ZNF521: variants seen among roughly 807,000 people sequenced by gnomAD.
ZNF521 encodes LYST-interacting protein 3.
A neutral mutation model predicts 105.5 loss-of-function variants in ZNF521; 14 were observed. The ratio of observed to expected loss-of-function variants is 0.13; its 90% confidence interval spans 0.09 to 0.21. The LOEUF is 0.21. ZNF521 is among the 10% of genes least tolerant of loss of function. The pLI, the probability that ZNF521 is intolerant of heterozygous loss-of-function variation, is 1.00. For synonymous variants in ZNF521, 635 were observed against 606.0 expected, an observed-to-expected ratio of 1.05 and a Z score of -0.70; for missense variants, 1,233 against 1,629.7, an observed-to-expected ratio of 0.76 and a Z score of 4.19.
At chr18:25,097,734 C>T (rs1271378780) in intron 5 of ZNF521, among the ~76,000 whole-genome samples, 4 of 152,276 alleles carry the variant, frequency 2.6e-5, no homozygotes, top group East Asian at 3.9e-4. Context: ...GGATACACAT[C>T]CTGTGTGCCT....
At chr18:25,297,070 TACACACACATACAC>T (rs1318489169) in intron 3 of ZNF521, among the ~76,000 whole-genome samples, 2 of 151,062 alleles carry the variant, frequency 1.3e-5, no homozygotes, top group Admixed American at 1.3e-4. Flanking sequence ...ATTTTTCCCA[TACACACACATACAC>T]ACACACACAT....
intron 5 of ZNF521, among the ~76,000 whole-genome samples, chr18:25,161,346 A>T (rs1485773653): frequency 6.6e-6 from 1 of 152,148 alleles, no homozygotes; most frequent in Non-Finnish European, 1.5e-5. Context: ...AAGTACATAT[A>T]GAAAATCTCA....
At chr18:25,068,386 C>T (rs117582619) in intron 7 of ZNF521, among the ~76,000 whole-genome samples, 1,959 of 152,266 alleles carry the variant, frequency 0.013, 16 homozygotes, top group South Asian at 0.021. Context: ...TGAGGATAAT[C>T]GGTATGCTCT....
At chr18:25,184,096 A>C (rs886879197) in intron 5 of ZNF521, among the ~76,000 whole-genome samples, 1 of 152,126 alleles carries the variant, frequency 6.6e-6, no homozygotes, top group Non-Finnish European at 1.5e-5. Flanking sequence ...AAAAAACATA[A>C]TTATATAAGG....
intron 5 of ZNF521, among the ~76,000 whole-genome samples, chr18:25,119,637 GA>G (rs1243851723): frequency 1.3e-5 from 2 of 151,936 alleles, no homozygotes; most frequent in Non-Finnish European, 2.9e-5. Context: ...GAAAGATACT[GA>G]AAATTTAATA....
At chr18:25,167,379 T>C (rs1023430195) in intron 5 of ZNF521, among the ~76,000 whole-genome samples, 3 of 152,198 alleles carry the variant, frequency 2.0e-5, no homozygotes, top group South Asian at 2.1e-4. Flanking sequence ...TCAGTATTAA[T>C]ACTAATTCTA....
intron 5 of ZNF521, among the ~76,000 whole-genome samples, chr18:25,179,070 C>G (rs1023582149): frequency 6.2e-5 from 7 of 112,930 alleles, no homozygotes; most frequent in African/African-American, 2.5e-4. Context: ...AACCCCAAAC[C>G]CTTTGAAATG....
intron 3 of ZNF521, among the ~76,000 whole-genome samples, chr18:25,244,286 A>G (rs1416785342): frequency 6.2e-5 from 5 of 81,214 alleles, no homozygotes; most frequent in African/African-American, 2.1e-4. Context: ...GCATGTGCAC[A>G]CACACACACA....
chr18:25,067,352 ATTAAAC>A (rs1346829253), intron 7 of ZNF521, among the ~76,000 whole-genome samples: 1 of 152,214 alleles, frequency 6.6e-6, no homozygotes, highest in Non-Finnish European at 1.5e-5. Flanking sequence ...TAAATGTGAA[ATTAAAC>A]TTAGAAAGCT....
chr18:25,244,387 C>T (rs1392227267), intron 3 of ZNF521, among the ~76,000 whole-genome samples: 1 of 152,106 alleles, frequency 6.6e-6, no homozygotes, highest in African/African-American at 2.4e-5. Flanking sequence ...AGCTACTTCC[C>T]CCACAGCAGT....
chr18:25,252,746 C>T (rs1437475110), intron 3 of ZNF521, among the ~76,000 whole-genome samples: 1 of 152,052 alleles, frequency 6.6e-6, no homozygotes, highest in East Asian at 1.9e-4. Flanking sequence ...ATAAAGTTCT[C>T]CCCTCTCTGG....
intron 5 of ZNF521, among the ~76,000 whole-genome samples, chr18:25,103,689 T>G (rs944638130): frequency 6.6e-6 from 1 of 151,962 alleles, no homozygotes; most frequent in African/African-American, 2.4e-5. Context: ...TTCCTTCTGC[T>G]GTTTTCTGTC....
intron 3 of ZNF521, among the ~76,000 whole-genome samples, chr18:25,311,459 G>C (rs2145109625): frequency 6.6e-6 from 1 of 151,476 alleles, no homozygotes; most frequent in South Asian, 2.1e-4. Flanking sequence ...GTTAAAGGTA[G>C]CAGAGCCCTT....
chr18:25,291,125 T>C (rs538978202), intron 3 of ZNF521, among the ~76,000 whole-genome samples: 10 of 152,276 alleles, frequency 6.6e-5, no homozygotes, highest in South Asian at 2.1e-4. Context: ...CAAGATATAA[T>C]TGAATGATAA....
intron 5 of ZNF521, among the ~76,000 whole-genome samples, chr18:25,169,872 C>T (rs962664851): frequency 1.3e-5 from 2 of 152,128 alleles, no homozygotes; most frequent in Non-Finnish European, 2.9e-5. Flanking sequence ...TGTTTTTCTT[C>T]GGTATGTATG....
At chr18:25,194,179 T>C (rs1341735618) in intron 5 of ZNF521, among the ~76,000 whole-genome samples, 1 of 151,780 alleles carries the variant, frequency 6.6e-6, no homozygotes, top group Non-Finnish European at 1.5e-5. Context: ...TTTCCTGTCT[T>C]ACAGAGTTTC....
chr18:25,210,530 T>G (rs967639770), intron 4 of ZNF521, among the ~76,000 whole-genome samples: 6 of 152,212 alleles, frequency 3.9e-5, no homozygotes, highest in Non-Finnish European at 8.8e-5. Flanking sequence ...CCACTCAATC[T>G]CTTTATGACA....
At chr18:25,254,935 C>T (rs533677116) in intron 3 of ZNF521, among the ~76,000 whole-genome samples, 7 of 152,196 alleles carry the variant, frequency 4.6e-5, no homozygotes, top group African/African-American at 7.2e-5. Flanking sequence ...GTTATGCAAA[C>T]TTATCATGAG....
intron 5 of ZNF521, among the ~76,000 whole-genome samples, chr18:25,152,401 T>A (rs1280634320): frequency 2.7e-5 from 4 of 149,506 alleles, no homozygotes; most frequent in Admixed American, 6.7e-5. Flanking sequence ...ATCACTTGAA[T>A]CTAGGAGGCA....
Sources: allele counts gnomAD v4.1 joint callset (sites outside exome capture counted in the v4.1 genomes callset), GRCh38; gene constraint gnomAD v4.1.1; transcripts MANE v1.5; gene names NCBI Gene and HGNC (gene_info 2026-07-23, HGNC 2026-07-21).